Variants in MAPK10 observed in about 807,000 individuals in gnomAD.
MAPK10 encodes JNK3 alpha protein kinase.
A neutral mutation model predicts 59.3 loss-of-function variants in MAPK10; 25 were observed. The observed-to-expected ratio is 0.42, with a 90% confidence interval of 0.31 to 0.59. The LOEUF (loss-of-function observed/expected upper bound fraction) is 0.59, where lower values mean the gene tolerates loss of function less well. Among genes scored for constraint, MAPK10 ranks in the 20% least tolerant of loss-of-function variants. MAPK10 has a pLI of 0.15. For missense variants in MAPK10, 351 were observed against 568.9 expected (o/e 0.62, Z 3.90); for synonymous variants, 190 against 200.5 (o/e 0.95, Z 0.44).
chr4:86,047,278 G>C (rs927501859), intron 11 of MAPK10, among the ~76,000 whole-genome samples: 1 of 152,090 alleles, frequency 6.6e-6, no homozygotes, highest in South Asian at 2.1e-4. Flanking sequence ...GTCATAAAAG[G>C]CTTCTTTGAG....
chr4:86,034,376 G>A (rs1006029251), intron 11 of MAPK10, among the ~76,000 whole-genome samples: 7 of 152,014 alleles, frequency 4.6e-5, no homozygotes, highest in African/African-American at 1.5e-4. Context: ...TTTATTGATG[G>A]TTAATTTCAT....
At chr4:86,553,547 A>G (rs1323380268) in intron 1 of MAPK10, among the ~76,000 whole-genome samples, 1 of 152,144 alleles carries the variant, frequency 6.6e-6, no homozygotes, top group Non-Finnish European at 1.5e-5. Flanking sequence ...CCCTTATCCC[A>G]GCTGCTTAAA....
At chr4:86,154,209 A>T (rs147945223) in intron 4 of MAPK10, among the ~76,000 whole-genome samples, 1 of 152,136 alleles carries the variant, frequency 6.6e-6, no homozygotes, top group African/African-American at 2.4e-5. Flanking sequence ...ATCTCTCTTC[A>T]TGTCACCAAC....
intron 2 of MAPK10, chr4:86,321,930 C>A (rs1185118009): frequency 6.6e-6 from 1 of 151,740 alleles, no homozygotes; most frequent in Non-Finnish European, 1.5e-5. Context: ...CTCTTGGCCT[C>A]AAGCAATCTT....
chr4:86,165,248 T>A (rs1388421038), intron 3 of MAPK10, among the ~76,000 whole-genome samples: 1 of 152,200 alleles, frequency 6.6e-6, no homozygotes, highest in Non-Finnish European at 1.5e-5. Context: ...CAGATTCAGT[T>A]GCTTCATGAT....
intron 2 of MAPK10, among the ~76,000 whole-genome samples, chr4:86,315,457 TC>T (rs1322578489): frequency 6.6e-6 from 1 of 152,084 alleles, no homozygotes; most frequent in Non-Finnish European, 1.5e-5. Context: ...TATCCCACTT[TC>T]CATGATGTGA....
intron 2 of MAPK10, among the ~76,000 whole-genome samples, chr4:86,341,185 G>GT (rs540421594): frequency 3.9e-5 from 6 of 152,180 alleles, no homozygotes; most frequent in Non-Finnish European, 8.8e-5. Context: ...TTGATAAGGT[G>GT]TGAAACAGGA....
At chr4:86,226,362 T>C (rs2090617601) in intron 2 of MAPK10, among the ~76,000 whole-genome samples, 1 of 152,214 alleles carries the variant, frequency 6.6e-6, no homozygotes, top group South Asian at 2.1e-4. Context: ...TCATAGTGCA[T>C]TTTAAAATCC....
chr4:86,445,747 G>T (rs552401858), intron 1 of MAPK10, among the ~76,000 whole-genome samples: 16 of 152,008 alleles, frequency 1.1e-4, no homozygotes, highest in Non-Finnish European at 2.4e-4. Context: ...GTATGTAGAA[G>T]GGGAAAATAA....
chr4:86,525,792 A>G (rs560728492), intron 1 of MAPK10, among the ~76,000 whole-genome samples: 1 of 152,358 alleles, frequency 6.6e-6, no homozygotes, highest in Admixed American at 6.5e-5. Flanking sequence ...ATAGGGAATA[A>G]GCAAAACGTA....
intron 9 of MAPK10, among the ~76,000 whole-genome samples, chr4:86,092,209 A>T (rs1417201488): frequency 6.6e-6 from 1 of 152,082 alleles, no homozygotes; most frequent in African/African-American, 2.4e-5. Context: ...CATTTTCTTT[A>T]TTTTAATATA....
chr4:86,556,458 C>T (rs1185238817), intron 1 of MAPK10, among the ~76,000 whole-genome samples: 1 of 151,904 alleles, frequency 6.6e-6, no homozygotes, highest in East Asian at 1.9e-4. Context: ...AACACATGTG[C>T]ACCTAAAAGA....
In MAPK10 at chr4:86,413,208, C is replaced by T. The variant is rs181125794; in HGVS notation, c.-122+39822G>A. Among the ~76,000 whole-genome samples, 925 of 152,282 alleles carry T rather than the reference C, an allele frequency of 6.1e-3. 6 individuals are homozygous for T. The highest frequency in any genetic ancestry group is 0.02 in the African/African-American group (826 of 41,562). Reference sequence around the variant, plus strand: ...GTTTGCTGGAGGTCCACTCCAGACGCTGTTTGCCTGAGTATCACCAGCAGA... The same window carrying T: ...GTTTGCTGGAGGTCCACTCCAGACGTTGTTTGCCTGAGTATCACCAGCAGA... On this transcript the variant is annotated intron_variant, in intron 1 of 13. Transcript: ENST00000361569.
intron 1 of MAPK10, among the ~76,000 whole-genome samples, chr4:86,406,516 C>T (rs1040961788): frequency 6.6e-6 from 1 of 152,104 alleles, no homozygotes; most frequent in Non-Finnish European, 1.5e-5. Context: ...GATGAATCAC[C>T]AGGTATTAGT....
chr4:86,381,503 C>T (rs1740702988), intron 1 of MAPK10, among the ~76,000 whole-genome samples: 1 of 152,158 alleles, frequency 6.6e-6, no homozygotes, highest in Admixed American at 6.5e-5. Flanking sequence ...TTTTCAGACA[C>T]TCATGTTAGC....
chr4:86,583,537 G>A (rs1169216478), intron 1 of MAPK10, among the ~76,000 whole-genome samples: 1 of 151,970 alleles, frequency 6.6e-6, no homozygotes, highest in Non-Finnish European at 1.5e-5. Context: ...ATTCTTTTTC[G>A]GTCTTGAAAG....
chr4:86,232,746 C>T (rs1442267116), intron 2 of MAPK10, among the ~76,000 whole-genome samples: 1 of 152,122 alleles, frequency 6.6e-6, no homozygotes, highest in African/African-American at 2.4e-5. Context: ...AACCACTGAC[C>T]CACTCTTGTA....
At chr4:86,227,040 G>T (rs906860548) in intron 2 of MAPK10, among the ~76,000 whole-genome samples, 1 of 152,028 alleles carries the variant, frequency 6.6e-6, no homozygotes, top group African/African-American at 2.4e-5. Flanking sequence ...ATAACATATT[G>T]TGAATGTCAC....
chr4:86,219,900 C>T (rs1034030941), intron 2 of MAPK10: 38 of 152,136 alleles, frequency 2.5e-4, no homozygotes, highest in African/African-American at 7.2e-4. Context: ...CAGATAAGTG[C>T]TTTGTATAAT....
Sources: allele counts gnomAD v4.1 joint callset (sites outside exome capture counted in the v4.1 genomes callset), GRCh38; gene constraint gnomAD v4.1.1; transcripts MANE v1.5; gene names NCBI Gene and HGNC (gene_info 2026-07-23, HGNC 2026-07-21).